The following ADAMTS7 variants were observed in gnomAD, a reference collection of about 807,000 sequenced individuals.
ADAMTS7 encodes the protein A disintegrin and metalloproteinase with thrombospondin motifs 7.
A neutral mutation model predicts 172.6 loss-of-function variants in ADAMTS7; 89 were observed. That is an observed-to-expected ratio of 0.52 (90% CI 0.43 to 0.61). ADAMTS7 has a LOEUF of 0.61. Among genes scored for constraint, ADAMTS7 ranks in the 20% least tolerant of loss-of-function variants. The pLI is 0.00. For synonymous variants in ADAMTS7, 885 were observed against 978.4 expected (o/e 0.90, Z 1.78); for missense variants, 1,973 against 2,355.6 (o/e 0.84, Z 3.36).
intron 4 of ADAMTS7, among the ~76,000 whole-genome samples, chr15:78,795,376 G>C (rs778487631): frequency 6.6e-6 from 1 of 152,324 alleles, no homozygotes; most frequent in Non-Finnish European, 1.5e-5. Flanking sequence ...AGCCAATGAG[G>C]GTGTCCCAGT....
At chr15:78,760,426 C>G (rs1381993761) in intron 23 of ADAMTS7, among the ~76,000 whole-genome samples, 1 of 152,156 alleles carries the variant, frequency 6.6e-6, no homozygotes, top group South Asian at 2.1e-4. Context: ...GCAGCCAGCC[C>G]TGGGCCTGGG....
chr15:78,763,858 G>A lies in ADAMTS7; in HGVS notation c.4594-13C>T. Reference sequence around the variant, plus strand: ...AGGCCTCGGAGCACTGGGTGGGCAGGGAAGGAGTCAGGGCACAGCCAGGGT... The same window carrying A: ...AGGCCTCGGAGCACTGGGTGGGCAGAGAAGGAGTCAGGGCACAGCCAGGGT... On this transcript the variant is annotated splice_polypyrimidine_tract_variant and intron_variant, in intron 21 of 23. Coordinates refer to ENST00000388820, the MANE Select transcript of ADAMTS7 (RefSeq NM_014272.5). The A allele has an allele frequency of 1.3e-6, 2 of 1,580,690 alleles. No individual in the cohort carries two copies. The highest frequency in any genetic ancestry group is 1.7e-6 in the Non-Finnish European group (2 of 1,167,398).
At chr15:78,778,569 G>A (rs2055386313) in intron 8 of ADAMTS7, among the ~76,000 whole-genome samples, 1 of 152,218 alleles carries the variant, frequency 6.6e-6, no homozygotes, top group Non-Finnish European at 1.5e-5. Context: ...GGGGGCAGCA[G>A]TGGCTGGGGA....
intron 11 of ADAMTS7, 93 bp from the exon 12 acceptor site, chr15:78,774,886 C>T: frequency 6.9e-7 from 1 of 1,446,566 alleles, no homozygotes; most frequent in South Asian, 1.4e-5. Flanking sequence ...CCTGCATCCA[C>T]ACCCCGAGAT....
chr15:78,778,557 C>T (rs537470927), intron 8 of ADAMTS7, among the ~76,000 whole-genome samples: 1 of 152,306 alleles, frequency 6.6e-6, no homozygotes, highest in African/African-American at 2.4e-5. Flanking sequence ...TTGCTGCCTT[C>T]TGGGGGCAGC....
In ADAMTS7 at chr15:78,766,973, C is replaced by T. The variant is rs1321881108; in HGVS notation, c.2938G>A (p.Ala980Thr). 2 of 1,609,406 alleles carry T rather than the reference C, an allele frequency of 1.2e-6. No individual in the cohort carries two copies. The highest frequency in any genetic ancestry group is 1.3e-5 in the African/African-American group (1 of 74,838). Residue 980 changes from alanine (A) to threonine (T), a missense_variant, in exon 19 of 24, where the codon GCC becomes ACC. By Grantham distance (58) the Ala-to-Thr change is moderately conservative. Transcript: ENST00000388820. The stretch of plus-strand genomic sequence containing the variant: ...GTGACTTCGCTGGCTGGCTGCTGGG[C>T]CTCGTCACAGGGGACACCGGTGTCA... ...TNDTGVPCDEAQQPASEVTCS... is the reference protein window; with the variant it reads ...TNDTGVPCDETQQPASEVTCS...
chr15:78,806,476 A>G (rs1014650486), intron 1 of ADAMTS7, among the ~76,000 whole-genome samples: 5 of 152,208 alleles, frequency 3.3e-5, no homozygotes, highest in African/African-American at 1.2e-4. Context: ...AAAATAATGC[A>G]CTATAGAGCA....
intron 18 of ADAMTS7, 111 bp from the exon 19 acceptor site, chr15:78,767,162 C>A (rs1357508476): frequency 3.2e-6 from 4 of 1,268,782 alleles, no homozygotes; most frequent in Non-Finnish European, 4.3e-6. Flanking sequence ...GGCAGAGACC[C>A]CAGCCAGCCC....
chr15:78,761,277 G>A (rs906408865), intron 23 of ADAMTS7, among the ~76,000 whole-genome samples: 11 of 152,236 alleles, frequency 7.2e-5, no homozygotes, highest in Non-Finnish European at 1.5e-4. Context: ...AAGGCAGACC[G>A]GGGAGATTGC....
chr15:78,771,969 G>T lies in ADAMTS7; in HGVS notation c.2132-140C>A. The T allele has an allele frequency of 7.6e-7, 1 of 1,308,860 alleles. No homozygotes were observed. Among genetic ancestry groups the T allele is most frequent in the Non-Finnish European group, 1.0e-6 (1 of 972,592 alleles). The allele number at this position is 1,308,860 out of a possible 1,614,324, so 81.1% of individuals were successfully genotyped here. A position where few individuals can be genotyped will look rare whatever the true frequency, so the allele number is the denominator to read the frequency against. On this transcript the variant is annotated intron_variant, in intron 14 of 23. Transcript: ENST00000388820. This position sits in a 1 kb window ranked among gnomAD's most constrained non-coding sequence, Gnocchi z 4.9. Reference sequence around the variant, plus strand: ...AAGTCTGAGCTCCCTAAATTGCTCGGATCTGTCATGGGTCACCAAAACCTC... The same window carrying T: ...AAGTCTGAGCTCCCTAAATTGCTCGTATCTGTCATGGGTCACCAAAACCTC...
In ADAMTS7 at chr15:78,796,796, C is replaced by CA. The variant is rs779612352; in HGVS notation, c.623-11dup. 2.5e-6 allele frequency: 4 copies of CA among 1,602,546 alleles called. No individual in the cohort carries two copies. The highest frequency in any genetic ancestry group is 2.5e-6 in the Non-Finnish European group (3 of 1,176,978). ...TCCAGCTCTGGGTACACTGGAGGCCCAGATGGGGTGGAGTTAGCTGCCAGT... is the reference window on the plus strand; with the variant it reads ...TCCAGCTCTGGGTACACTGGAGGCCCAAGATGGGGTGGAGTTAGCTGCCAGT... On this transcript the variant is annotated splice_polypyrimidine_tract_variant and intron_variant, in intron 3 of 23. Coordinates refer to ENST00000388820, the MANE Select transcript of ADAMTS7 (RefSeq NM_014272.5).
In ADAMTS7 at chr15:78,798,096, G is replaced by A; in HGVS notation, c.474C>T (p.Leu158=). 1.3e-6 allele frequency: 2 copies of A among 1,557,524 alleles called. No homozygotes were observed. The highest frequency in any genetic ancestry group is 1.7e-6 in the Non-Finnish European group (2 of 1,160,092). ...ACDGLKGVFQ[L]SNEDYFIEPL... ...GCTCAATGAAGTAGTCCTCGTTGGA[G>A]AGCTGGAACACACCTTTCTGGGGAA... Residue 158 remains leucine (L), a synonymous_variant, in exon 3 of 24, where the codon CTC becomes CTT. Coordinates refer to ENST00000388820, the MANE Select transcript of ADAMTS7 (RefSeq NM_014272.5).
intron 10 of ADAMTS7, 175 bp downstream of exon 10, chr15:78,776,574 T>A (rs2055348928): frequency 8.3e-6 from 7 of 847,506 alleles, no homozygotes; most frequent in Non-Finnish European, 1.3e-5. Flanking sequence ...AATCATGGAA[T>A]CAAGCCCTGG....
chr15:78,771,435 G>C lies in ADAMTS7; in HGVS notation c.2377-132C>G. ...GCCATTTTAAAGATGGGGAAACTGA[G>C]GTAGAGGCCGCAGCAGGAGGGCCTG... On this transcript the variant is annotated intron_variant, in intron 15 of 23. Coordinates refer to ENST00000388820, the MANE Select transcript of ADAMTS7 (RefSeq NM_014272.5). The surrounding 1 kb of genome is among the most constrained non-coding windows in gnomAD (Gnocchi z 4.9). The C allele has an allele frequency of 1.3e-6, 2 of 1,541,838 alleles. No individual in the cohort carries two copies.
intron 14 of ADAMTS7, among the ~76,000 whole-genome samples, chr15:78,772,448 G>A (rs1181025663): frequency 6.6e-6 from 1 of 152,212 alleles, no homozygotes; most frequent in Non-Finnish European, 1.5e-5. Flanking sequence ...GGCACTCAAG[G>A]CCCCATAGCT....
intron 4 of ADAMTS7, among the ~76,000 whole-genome samples, chr15:78,792,829 A>AAGAAAGAG (rs1057180686): frequency 2.6e-5 from 4 of 152,094 alleles, no homozygotes; most frequent in African/African-American, 9.7e-5. Flanking sequence ...GAAAGAAAGA[A>AAGAAAGAG]AGAAAGAGAG....
chr15:78,809,859 G>T (rs2055842014), intron 1 of ADAMTS7, among the ~76,000 whole-genome samples: 1 of 152,242 alleles, frequency 6.6e-6, no homozygotes, highest in South Asian at 2.1e-4. Flanking sequence ...TCCATCACTT[G>T]CTTTGCACGG....
chr15:78,784,876 A>G (rs2141501933), intron 8 of ADAMTS7, among the ~76,000 whole-genome samples: 1 of 152,252 alleles, frequency 6.6e-6, no homozygotes, highest in South Asian at 2.1e-4. Context: ...GATGTGAGGG[A>G]AGGATAAAGA....
At chr15:78,804,176 T>G (rs1191327068) in intron 1 of ADAMTS7, among the ~76,000 whole-genome samples, 4 of 152,196 alleles carry the variant, frequency 2.6e-5, no homozygotes, top group African/African-American at 9.6e-5. Context: ...TTCAGTAACA[T>G]TGCTCTATAT....
Sources: allele counts gnomAD v4.1 joint callset (sites outside exome capture counted in the v4.1 genomes callset), GRCh38; gene constraint gnomAD v4.1.1; non-coding constraint Gnocchi (gnomAD v3.1); transcripts MANE v1.5; gene names NCBI Gene and HGNC (gene_info 2026-07-23, HGNC 2026-07-21).